Variants in KCNK2 observed in about 807,000 individuals in gnomAD.
The protein encoded by KCNK2 is potassium channel subfamily K member 2.
KCNK2 carries 21 observed loss-of-function variants against 40.5 expected under a neutral mutation model. That is an observed-to-expected ratio of 0.52 (90% CI 0.37 to 0.75). The LOEUF (loss-of-function observed/expected upper bound fraction) is 0.75. Among genes scored for constraint, KCNK2 ranks in the 30% least tolerant of loss-of-function variants. The pLI is 0.00. For missense variants in KCNK2, 399 were observed against 531.6 expected (o/e 0.75, Z 2.45); for synonymous variants, 191 against 202.2 (o/e 0.94, Z 0.47).
chr1:215,013,447 A>G (rs1006232627), intron 1 of KCNK2, among the ~76,000 whole-genome samples: 85 of 152,284 alleles, frequency 5.6e-4, no homozygotes, highest in Middle Eastern at 3.4e-3. Flanking sequence ...AAATTTTAGA[A>G]TCAGCTTGAC....
intron 1 of KCNK2, among the ~76,000 whole-genome samples, chr1:215,048,708 C>T (rs906714111): frequency 6.6e-6 from 1 of 152,052 alleles, no homozygotes; most frequent in Non-Finnish European, 1.5e-5. Context: ...GAGTGCTCAA[C>T]CAAGAGGACA....
At chr1:215,091,480 A>AAAAAC (rs1302433459) in intron 2 of KCNK2, among the ~76,000 whole-genome samples, 1 of 152,184 alleles carries the variant, frequency 6.6e-6, no homozygotes, top group African/African-American at 2.4e-5. Flanking sequence ...AGTGGCCTTT[A>AAAAAC]AAAACAAAAC....
chr1:215,155,295 T>C (rs1358575410), intron 3 of KCNK2, among the ~76,000 whole-genome samples: 1 of 12,426 alleles, frequency 8.0e-5, no homozygotes, highest in East Asian at 0.17. Flanking sequence ...ATTAATTTGC[T>C]TCATAACTTA....
intron 2 of KCNK2, among the ~76,000 whole-genome samples, chr1:215,102,707 A>G (rs1387651314): frequency 1.0e-5 from 1 of 99,542 alleles, no homozygotes; most frequent in Non-Finnish European, 2.7e-5. Context: ...TACCAGGTAC[A>G]CTATTTTTTT....
At position 215,209,217 on chromosome 1, in the gene KCNK2, AT is replaced by A. The variant is rs59016880; in HGVS notation, c.963+14130del. On this transcript the variant is annotated intron_variant, in intron 6 of 6. Coordinates refer to ENST00000444842, the MANE Select transcript of KCNK2 (RefSeq NM_001017425.3). ...ATATATATATATAAAATATACACAT[AT>A]TTTTATATATAAAATATATATAAAT... is the stretch of plus-strand genomic sequence containing the variant. Among the ~76,000 whole-genome samples the A allele has an allele frequency of 6.2e-3, 819 of 132,152 alleles. 14 individuals carry two copies. Among genetic ancestry groups the A allele is most frequent in the African/African-American group, 0.023 (784 of 34,674 alleles). The allele number at this position is 132,152 out of a possible 152,430, so 86.7% of individuals were successfully genotyped here.
At chr1:215,148,453 TA>T (rs1461374287) in intron 3 of KCNK2, among the ~76,000 whole-genome samples, 1 of 152,042 alleles carries the variant, frequency 6.6e-6, no homozygotes, top group Non-Finnish European at 1.5e-5. Flanking sequence ...CAGAATAAAA[TA>T]AAAATGAGTA....
At chr1:215,071,683 A>C (rs1340095020) in intron 1 of KCNK2, among the ~76,000 whole-genome samples, 1 of 152,232 alleles carries the variant, frequency 6.6e-6, no homozygotes, top group Non-Finnish European at 1.5e-5. Flanking sequence ...TGAACAGAAG[A>C]ATCTGCAGAA....
intron 5 of KCNK2, among the ~76,000 whole-genome samples, chr1:215,175,119 G>A (rs968946942): frequency 2.0e-5 from 3 of 152,002 alleles, no homozygotes; most frequent in African/African-American, 4.8e-5. Context: ...ATAAATAGCT[G>A]TTATTATTTT....
chr1:215,221,724 G>C (rs112301542), intron 6 of KCNK2, among the ~76,000 whole-genome samples: 2 of 152,126 alleles, frequency 1.3e-5, no homozygotes, highest in African/African-American at 2.4e-5. Flanking sequence ...GACCCACACA[G>C]TTCAAATGCA....
At chr1:215,058,793 A>G (rs1411911221) in intron 1 of KCNK2, among the ~76,000 whole-genome samples, 1 of 151,940 alleles carries the variant, frequency 6.6e-6, no homozygotes, top group African/African-American at 2.4e-5. Context: ...GAACTTGCCA[A>G]GTGTTGTTCT....
chr1:215,223,075 G>A lies in KCNK2; in HGVS notation c.964-11753G>A, dbSNP rs117790920. The stretch of plus-strand genomic sequence containing the variant: ...AGGAAAAAATCCCGGTCAAAGATCA[G>A]GAAGACTTCAGTAGTTTTATTTCTG... On this transcript the variant is annotated intron_variant, in intron 6 of 6. Transcript: ENST00000444842. Among the ~76,000 whole-genome samples, 19 of 152,088 alleles carry A rather than the reference G, an allele frequency of 1.2e-4. No homozygotes were observed. In the East Asian group the frequency reaches 3.5e-3, roughly 28 times the overall value.
chr1:215,058,172 C>G lies in KCNK2; in HGVS notation c.35-28196C>G, dbSNP rs1027532585. ...CTCTTCTAGGATACCATCTCTCTGT[C>G]CTTCTCACAGCCATGCCCCTTCACT... On this transcript the variant is annotated intron_variant, in intron 1 of 6. Coordinates refer to the KCNK2 transcript ENST00000391895. Among the ~76,000 whole-genome samples, 36 of 152,236 alleles carry G rather than the reference C, an allele frequency of 2.4e-4. 2 individuals are homozygous for G. The highest frequency in any genetic ancestry group is 2.4e-3 in the Admixed American group (36 of 15,302).
At chr1:215,110,716 A>G (rs575610956) in intron 2 of KCNK2, among the ~76,000 whole-genome samples, 2 of 150,626 alleles carry the variant, frequency 1.3e-5, no homozygotes, top group South Asian at 4.2e-4. Flanking sequence ...GCAAAATTGA[A>G]CAGAAAGTGC....
intron 1 of KCNK2, among the ~76,000 whole-genome samples, chr1:215,070,185 C>T (rs367900962): frequency 6.6e-5 from 10 of 151,564 alleles, no homozygotes; most frequent in African/African-American, 1.5e-4. Context: ...CCGAGGTGGG[C>T]GGATCACAAG....
At chr1:215,204,037 C>CAAAAAAAAAAAAAAAAAAAAA (rs71167813) in intron 6 of KCNK2, among the ~76,000 whole-genome samples, 1 of 53,186 alleles carries the variant, frequency 1.9e-5, no homozygotes, top group African/African-American at 1.1e-4. Flanking sequence ...GACTCCGTCT[C>CAAAAAAAAAAAAAAAAAAAAA]AAAAAAAAAA....
intron 6 of KCNK2, among the ~76,000 whole-genome samples, chr1:215,218,574 A>C (rs1009355884): frequency 2.4e-4 from 37 of 152,106 alleles, no homozygotes; most frequent in African/African-American, 7.7e-4. Context: ...CCATGAACAA[A>C]GCATGTAAAT....
intron 6 of KCNK2, among the ~76,000 whole-genome samples, chr1:215,216,541 CATAT>C (rs1460703717): frequency 4.7e-5 from 7 of 149,006 alleles, no homozygotes; most frequent in Non-Finnish European, 7.4e-5. Context: ...TGTTATATAT[CATAT>C]ATAGAATGTT....
chr1:215,010,900 G>GTGTGTGTGTGTA (rs559932493), intron 1 of KCNK2, among the ~76,000 whole-genome samples: 7 of 137,882 alleles, frequency 5.1e-5, no homozygotes, highest in East Asian at 4.2e-4. Flanking sequence ...GTGTGTGTAT[G>GTGTGTGTGTGTA]TGTGTGTATA....
upstream of KCNK2, among the ~76,000 whole-genome samples, chr1:215,081,185 G>C (rs1292556969): frequency 6.6e-6 from 1 of 151,610 alleles, no homozygotes; most frequent in Non-Finnish European, 1.5e-5. Flanking sequence ...GTGTGTGTGT[G>C]TGTGTGTGTG....
Sources: allele counts gnomAD v4.1 joint callset (sites outside exome capture counted in the v4.1 genomes callset), GRCh38; gene constraint gnomAD v4.1.1; transcripts MANE v1.5; gene names NCBI Gene and HGNC (gene_info 2026-07-23, HGNC 2026-07-21).